FRAS1: variants seen among roughly 807,000 people sequenced by gnomAD.
The protein encoded by FRAS1 is extracellular matrix organizing protein FRAS1.
A neutral mutation model predicts 435.2 loss-of-function variants in FRAS1; 290 were observed. The observed-to-expected ratio is 0.67, with a 90% CI of 0.61 to 0.73. The LOEUF (loss-of-function observed/expected upper bound fraction) is 0.73. Ranked by LOEUF, FRAS1 falls within the 30% of genes least tolerant of loss-of-function variation. The pLI is 0.00. For missense variants in FRAS1, 4,860 were observed against 5,001.5 expected (o/e 0.97, Z 0.85); for synonymous variants, 1,800 against 1,851.0 (o/e 0.97, Z 0.71).
At chr4:78,261,516 G>A (rs1318502031) in intron 6 of FRAS1, among the ~76,000 whole-genome samples, 4 of 152,014 alleles carry the variant, frequency 2.6e-5, no homozygotes, top group Non-Finnish European at 4.4e-5. Context: ...TTCCCCCTGC[G>A]CTTCTACCTT....
At chr4:78,423,036 C>A (rs1453591432) in intron 34 of FRAS1, among the ~76,000 whole-genome samples, 1 of 152,194 alleles carries the variant, frequency 6.6e-6, no homozygotes, top group Non-Finnish European at 1.5e-5. Flanking sequence ...TTAATCCCTG[C>A]CACCTTATCT....
At chr4:78,141,072 T>C (rs1720161359) in intron 2 of FRAS1, among the ~76,000 whole-genome samples, 1 of 152,140 alleles carries the variant, frequency 6.6e-6, no homozygotes, top group Non-Finnish European at 1.5e-5. Context: ...ATACTTTAAA[T>C]TCTGGGGTAC....
intron 41 of FRAS1, chr4:78,444,218 T>G (rs1247350898): frequency 2.2e-6 from 1 of 450,296 alleles, no homozygotes; most frequent in East Asian, 7.0e-5. Flanking sequence ...AGTGATAAAT[T>G]TAAGAAAAAA....
chr4:78,248,343 G>A (rs920714671), intron 4 of FRAS1, among the ~76,000 whole-genome samples: 3 of 152,064 alleles, frequency 2.0e-5, no homozygotes, highest in Non-Finnish European at 2.9e-5. Flanking sequence ...TTTTTTCTGT[G>A]CTTTCCCCAC....
intron 20 of FRAS1, among the ~76,000 whole-genome samples, chr4:78,346,344 T>A (rs2110278212): frequency 6.6e-6 from 1 of 152,358 alleles, no homozygotes; most frequent in South Asian, 2.1e-4. Flanking sequence ...CACAGGAAGT[T>A]GGTCCTGTGA....
intron 22 of FRAS1, among the ~76,000 whole-genome samples, chr4:78,366,210 G>A (rs559895206): frequency 1.3e-5 from 2 of 152,310 alleles, no homozygotes; most frequent in South Asian, 2.1e-4. Flanking sequence ...AGGGTCACCA[G>A]TTGAGGTAGG....
chr4:78,355,648 T>C (rs1047446087), intron 20 of FRAS1, among the ~76,000 whole-genome samples: 1 of 152,184 alleles, frequency 6.6e-6, no homozygotes, highest in Admixed American at 6.5e-5. Flanking sequence ...TTGCAGAAGC[T>C]GCTAGAGTGG....
At position 78,099,114 on chromosome 4, in the gene FRAS1, T is replaced by G. The variant is rs559073616; in HGVS notation, c.108+33098T>G. On this transcript the variant is annotated intron_variant, in intron 2 of 73. Transcript: ENST00000512123. ...TAGTTTATAAGGGCTCCCCTGGTAT[T>G]GCAAAGCCTAGGTCTCAGCTTTAGA... Among the ~76,000 whole-genome samples the G allele has an allele frequency of 2.1e-4, 32 of 152,338 alleles. 2 individuals are homozygous for G. In the South Asian group the frequency reaches 6.0e-3, roughly 29 times the overall value.
intron 2 of FRAS1, among the ~76,000 whole-genome samples, chr4:78,175,809 G>A (rs541062230): frequency 6.6e-6 from 1 of 152,238 alleles, no homozygotes; most frequent in Admixed American, 6.5e-5. Flanking sequence ...TCTTCTGCCA[G>A]TCCTCCTCTT....
At chr4:78,268,423 T>A (rs1437698387) in intron 9 of FRAS1, among the ~76,000 whole-genome samples, 11 of 152,336 alleles carry the variant, frequency 7.2e-5, no homozygotes, top group Non-Finnish European at 8.8e-5. Context: ...TCCCCTTAGA[T>A]GCCTTTTCAT....
chr4:78,387,292 T>C (rs10016220), intron 28 of FRAS1, 83 bp from the exon 29 acceptor site: 110,997 of 1,009,820 alleles, frequency 0.11, 7,134 homozygotes, highest in African/African-American at 0.25. Flanking sequence ...TCAAAAAGTA[T>C]AGGAATAACA....
At chr4:78,291,828 G>A (rs1222036610) in intron 14 of FRAS1, among the ~76,000 whole-genome samples, 1 of 152,160 alleles carries the variant, frequency 6.6e-6, no homozygotes, top group Non-Finnish European at 1.5e-5. Flanking sequence ...TCTGAGTGCT[G>A]TATGGTCTCA....
At chr4:78,457,253 C>T (rs556947786) in intron 47 of FRAS1, among the ~76,000 whole-genome samples, 1 of 152,036 alleles carries the variant, frequency 6.6e-6, no homozygotes, top group Non-Finnish European at 1.5e-5. Flanking sequence ...AACCAGAGCC[C>T]GAAATAAACT....
intron 2 of FRAS1, among the ~76,000 whole-genome samples, chr4:78,205,433 A>G (rs899734757): frequency 6.6e-6 from 1 of 152,068 alleles, no homozygotes; most frequent in Non-Finnish European, 1.5e-5. Context: ...GGCTCTAGTG[A>G]TCCACCTGCC....
chr4:78,280,331 C>T (rs1331586599), intron 10 of FRAS1, among the ~76,000 whole-genome samples: 1 of 152,138 alleles, frequency 6.6e-6, no homozygotes, highest in Non-Finnish European at 1.5e-5. Context: ...CGGGTGGCAT[C>T]TACAGCATGG....
In FRAS1 at chr4:78,260,890, G is replaced by T. The variant is rs113068309; in HGVS notation, c.604-4135G>T. 7.2e-3 allele frequency among the ~76,000 whole-genome samples: 1,095 copies of T among 152,188 alleles called. 6 individuals carry two copies. The highest frequency in any genetic ancestry group is 0.012 in the Non-Finnish European group (816 of 67,988). Reference sequence around the variant, plus strand: ...GTCTTTCAGAATATTTCTAGGTGAGGTATCTTTTTATATATTTTTGTCTGG... The same window carrying T: ...GTCTTTCAGAATATTTCTAGGTGAGTTATCTTTTTATATATTTTTGTCTGG... On this transcript the variant is annotated intron_variant, in intron 6 of 73. Coordinates refer to ENST00000512123, the MANE Select transcript of FRAS1 (RefSeq NM_025074.7).
intron 33 of FRAS1, among the ~76,000 whole-genome samples, chr4:78,420,879 C>CATATATGTAT (rs1314034222): frequency 2.6e-4 from 25 of 95,514 alleles, no homozygotes; most frequent in African/African-American, 7.4e-4. Context: ...ACTAATAGGA[C>CATATATGTAT]ATATATATAT....
Position 78,344,166 on chromosome 4 carries a change from T to G in FRAS1, c.2422+6349T>G, listed in dbSNP as rs550423894. ...TCCCCTGTTAGAATTTCTAGTATGCTGATTATTTCTACCATTTACCTAGCA... is the reference window on the plus strand; with the variant it reads ...TCCCCTGTTAGAATTTCTAGTATGCGGATTATTTCTACCATTTACCTAGCA... On this transcript the variant is annotated intron_variant, in intron 20 of 73. Coordinates refer to ENST00000512123, the MANE Select transcript of FRAS1 (RefSeq NM_025074.7). 5.3e-5 allele frequency among the ~76,000 whole-genome samples: 8 copies of G among 152,064 alleles called. No individual in the cohort carries two copies. The South Asian group carries it at 6.2e-4, about 12-fold the overall frequency.
chr4:78,507,879 C>T (rs28545653), intron 62 of FRAS1, among the ~76,000 whole-genome samples: 50,008 of 151,894 alleles, frequency 0.33, 8,964 homozygotes, highest in South Asian at 0.52. Flanking sequence ...GGGAAGCCCC[C>T]GACAACAAAA....
Sources: allele counts gnomAD v4.1 joint callset (sites outside exome capture counted in the v4.1 genomes callset), GRCh38; gene constraint gnomAD v4.1.1; transcripts MANE v1.5; gene names NCBI Gene and HGNC (gene_info 2026-07-23, HGNC 2026-07-21).